Variants in CASTOR2 observed in about 807,000 individuals in gnomAD.
CASTOR2 encodes cytosolic arginine sensor for mTORC1 subunit 2, also known as GATS protein like 2.
Under a neutral mutation model 31.2 loss-of-function variants are expected in CASTOR2, and 8 were observed. The observed-to-expected ratio is 0.26, with a 90% CI of 0.15 to 0.46. CASTOR2 has a LOEUF of 0.46. Ranked by LOEUF, CASTOR2 falls within the 20% of genes least tolerant of loss-of-function variation. The pLI is 0.99. For synonymous variants in CASTOR2, 162 were observed against 158.7 expected, an observed-to-expected ratio of 1.02 and a Z score of -0.16; for missense variants, 216 against 382.1, an observed-to-expected ratio of 0.57 and a Z score of 3.62.
chr7:75,008,048 T>C lies in CASTOR2; in HGVS notation c.168T>C (p.Asp56=). 1 of 1,613,918 alleles carries C rather than the reference T, an allele frequency of 6.2e-7. No homozygotes were observed. The highest frequency in any genetic ancestry group is 1.1e-5 in the South Asian group (1 of 91,078). ...CAGAGGATTACACTATCATTGTCGA[T>C]GAGGAAGGATTCCTAGGTAAGTGCT... ...ETPEDYTIIV[D]EEGFLELPSS... The change falls in exon 2 of 9, where the codon GAT becomes GAC. Residue 56 remains aspartate (D), a synonymous_variant. Transcript: ENST00000616305.
At chr7:74,999,640 A>T (rs1258030122) in intron 1 of CASTOR2, among the ~76,000 whole-genome samples, 1,824 of 59,894 alleles carry the variant, frequency 0.03, 24 homozygotes, top group South Asian at 0.04. Flanking sequence ...TTTTTTTGAG[A>T]CGGAATCTCG....
Position 75,030,754 on chromosome 7 carries a change from G to A in CASTOR2, c.*6055G>A, listed in dbSNP as rs1338943125. On this transcript the variant is annotated 3_prime_UTR_variant, in exon 9 of 9. Transcript: ENST00000616305. Reference sequence around the variant, plus strand: ...TTATCCCTAGCCTCAGAATTCACACGCCGTTGCCTCCACCATGCTCTGGTT... The same window carrying A: ...TTATCCCTAGCCTCAGAATTCACACACCGTTGCCTCCACCATGCTCTGGTT... Among the ~76,000 whole-genome samples the A allele has an allele frequency of 1.3e-5, 2 of 152,142 alleles. No homozygotes were observed. Among genetic ancestry groups the A allele is most frequent in the Non-Finnish European group, 2.9e-5 (2 of 68,024 alleles).
At position 75,030,956 on chromosome 7, in the gene CASTOR2, C is replaced by T. The variant is rs1324589361; in HGVS notation, c.*6257C>T. Among the ~76,000 whole-genome samples the T allele has an allele frequency of 9.9e-5, 15 of 152,174 alleles. No homozygotes were observed. Among genetic ancestry groups the T allele is most frequent in the Non-Finnish European group, 1.5e-4 (10 of 68,024 alleles). ...GAATTGGAGACCCCTGCCCCTCACCCAAACTTTGGAGGTGGCAGGGTGAAC... is the reference window on the plus strand; with the variant it reads ...GAATTGGAGACCCCTGCCCCTCACCTAAACTTTGGAGGTGGCAGGGTGAAC... On this transcript the variant is annotated 3_prime_UTR_variant, in exon 9 of 9. Transcript: ENST00000616305.
At chr7:75,010,611 G>A (rs1230512577) in intron 2 of CASTOR2, among the ~76,000 whole-genome samples, 4 of 151,978 alleles carry the variant, frequency 2.6e-5, no homozygotes, top group Admixed American at 2.6e-4. Flanking sequence ...AAACTGTCTT[G>A]CCCTGCCCCT....
chr7:75,017,753 G>A lies in CASTOR2; in HGVS notation c.340G>A (p.Val114Met). Residue 114 changes from valine to methionine, a missense_variant, in exon 3 of 9, where the codon GTG becomes ATG. Val to Met is a conservative substitution (Grantham distance 21, BLOSUM62 1). This residue lies in a region of CASTOR2 where 114 missense variants were observed against 194.2 expected (regional missense o/e 0.59). Coordinates refer to ENST00000616305, the MANE Select transcript of CASTOR2 (RefSeq NM_001145064.3). ...CCCACTGGCTGACCAGAACATATCC[G>A]TGTTCATGCTGTCCACGTATCAGAC... ...IAPLADQNIS[V>M]FMLSTYQTDF... is the part of the protein sequence containing the mutation. 5 of 1,613,994 alleles carry A rather than the reference G, an allele frequency of 3.1e-6. No individual in the cohort carries two copies. Among genetic ancestry groups the A allele is most frequent in the Non-Finnish European group, 4.2e-6 (5 of 1,179,878 alleles).
chr7:74,981,244 T>TGGCGCA (rs1293160390), intron 1 of CASTOR2, among the ~76,000 whole-genome samples: 1 of 75,828 alleles, frequency 1.3e-5, no homozygotes, highest in Non-Finnish European at 2.6e-5. Flanking sequence ...TGGAGTGCAA[T>TGGCGCA]GGCGCAATCT....
intron 1 of CASTOR2, among the ~76,000 whole-genome samples, chr7:74,986,306 T>C (rs1804064141): frequency 6.6e-6 from 1 of 150,736 alleles, no homozygotes; most frequent in Admixed American, 6.6e-5. Flanking sequence ...GCCAAGATGG[T>C]GAAACCCTGT....
At position 75,031,313 on chromosome 7, in the gene CASTOR2, G is replaced by A. The variant is rs1002380797; in HGVS notation, c.*6614G>A. Among the ~76,000 whole-genome samples the A allele has an allele frequency of 6.6e-6, 1 of 151,994 alleles. No homozygotes were observed. Among genetic ancestry groups the A allele is most frequent in the Non-Finnish European group, 1.5e-5 (1 of 67,972 alleles). ...TGCCCGGGTCACCAGCAGCAGCAGCGGCGTTCCATCGCTCCCAAGATCTGG... is the reference window on the plus strand; with the variant it reads ...TGCCCGGGTCACCAGCAGCAGCAGCAGCGTTCCATCGCTCCCAAGATCTGG... On this transcript the variant is annotated 3_prime_UTR_variant, in exon 9 of 9. Transcript: ENST00000616305.
chr7:74,996,307 C>T (rs1386268920), intron 1 of CASTOR2, among the ~76,000 whole-genome samples: 1 of 151,966 alleles, frequency 6.6e-6, no homozygotes, highest in Non-Finnish European at 1.5e-5. Context: ...TGGTGGTGGC[C>T]GCAGGAGATG....
intron 7 of CASTOR2, 83 bp downstream of exon 7, chr7:75,022,039 GC>G: frequency 6.7e-7 from 1 of 1,498,452 alleles, no homozygotes; most frequent in Non-Finnish European, 9.1e-7. Flanking sequence ...CAGTGACTCG[GC>G]CCCTGCTGGG....
intron 1 of CASTOR2, among the ~76,000 whole-genome samples, chr7:74,995,312 G>T (rs1248077859): frequency 3.3e-5 from 5 of 151,790 alleles, no homozygotes; most frequent in African/African-American, 1.2e-4. Context: ...ATGAAAGGGG[G>T]AAGGAGTTTG....
At chr7:74,996,790 G>A (rs1315235067) in intron 1 of CASTOR2, among the ~76,000 whole-genome samples, 2 of 136,196 alleles carry the variant, frequency 1.5e-5, no homozygotes, top group East Asian at 2.2e-4. Context: ...GTGCAGTGGC[G>A]CGATCTCGGC....
intron 1 of CASTOR2, among the ~76,000 whole-genome samples, chr7:74,970,045 C>T (rs587597736): frequency 5.5e-4 from 82 of 149,898 alleles, no homozygotes; most frequent in African/African-American, 1.9e-3. Flanking sequence ...GTCCCGTCTC[C>T]GCTGCGTGTA....
At chr7:74,990,990 G>A (rs1471377963) in intron 1 of CASTOR2, among the ~76,000 whole-genome samples, 1 of 150,340 alleles carries the variant, frequency 6.7e-6, no homozygotes, top group Non-Finnish European at 1.5e-5. Context: ...GGAGGATCAC[G>A]TAAGCCCAGG....
intron 1 of CASTOR2, among the ~76,000 whole-genome samples, chr7:74,984,885 C>G (rs1224140429): frequency 1.6e-4 from 25 of 152,032 alleles, no homozygotes; most frequent in African/African-American, 5.8e-4. Context: ...TAATCCCAGC[C>G]CTTTGGGAGG....
In CASTOR2 at chr7:75,025,025, G is replaced by C. The variant is rs1439596502; in HGVS notation, c.*326G>C. 2.0e-5 allele frequency among the ~76,000 whole-genome samples: 3 copies of C among 152,254 alleles called. No individual in the cohort carries two copies. The highest frequency in any genetic ancestry group is 7.2e-5 in the African/African-American group (3 of 41,476). On this transcript the variant is annotated 3_prime_UTR_variant, in exon 9 of 9. Coordinates refer to ENST00000616305, the MANE Select transcript of CASTOR2 (RefSeq NM_001145064.3). ...TCTCATCCGGCCTCACCCACGGCCAGGGGCAGATGCCGAGGGAAGCCGGTC... is the reference window on the plus strand; with the variant it reads ...TCTCATCCGGCCTCACCCACGGCCACGGGCAGATGCCGAGGGAAGCCGGTC...
intron 1 of CASTOR2, among the ~76,000 whole-genome samples, chr7:74,984,762 C>A (rs1804024566): frequency 2.0e-5 from 3 of 152,160 alleles, no homozygotes; most frequent in African/African-American, 7.2e-5. Flanking sequence ...GAAACCGAGG[C>A]CCCAGAGGGT....
chr7:75,006,170 G>C (rs1253247853), intron 1 of CASTOR2, among the ~76,000 whole-genome samples: 2 of 152,126 alleles, frequency 1.3e-5, no homozygotes, highest in East Asian at 3.9e-4. Flanking sequence ...TGTAGTTCCA[G>C]CTACTCAGGA....
intron 1 of CASTOR2, among the ~76,000 whole-genome samples, chr7:74,980,780 C>T (rs1803930268): frequency 1.0e-5 from 1 of 97,972 alleles, no homozygotes; most frequent in Admixed American, 1.0e-4. Context: ...GGGAGGCTGG[C>T]AGGAGGGGAG....
Sources: gnomAD v4.1 joint callset for allele counts (sites outside exome capture counted in the v4.1 genomes callset) on GRCh38, gnomAD v4.1.1 for gene constraint, gnomAD v4.1.1 regional missense constraint, MANE v1.5 for transcripts, NCBI Gene and HGNC (gene_info 2026-07-23, HGNC 2026-07-21) for gene names.